TENM2: variants seen among roughly 807,000 people sequenced by gnomAD.
The protein encoded by TENM2 is teneurin-2.
TENM2 carries 52 observed loss-of-function variants against 245.2 expected under a neutral mutation model. That is an observed-to-expected ratio of 0.21 (90% CI 0.17 to 0.27). The LOEUF (loss-of-function observed/expected upper bound fraction) is 0.27. TENM2 is among the 10% of genes least tolerant of loss of function. The probability of loss-of-function intolerance (pLI) is 1.00; values close to 1 mark genes in which losing one functional copy is unlikely to be tolerated. For missense variants in TENM2, 3,046 were observed against 3,666.8 expected, an observed-to-expected ratio of 0.83 and a Z score of 4.37; for synonymous variants, 1,363 against 1,438.9, an observed-to-expected ratio of 0.95 and a Z score of 1.19.
chr5:167,339,197 T>A (rs866526027), intron 1 of TENM2, among the ~76,000 whole-genome samples: 1 of 152,182 alleles, frequency 6.6e-6, no homozygotes, highest in Non-Finnish European at 1.5e-5. Context: ...TGAGACTCAA[T>A]GCATCTTAGA....
chr5:168,226,537 C>T lies in TENM2; in HGVS notation c.5284+274C>T, dbSNP rs76230532. On this transcript the variant is annotated intron_variant, in intron 24 of 28. Transcript: ENST00000518659. Reference sequence around the variant, plus strand: ...TTATCTGAAAATGTCCATTTCCACCCGCCCCCCACATACTCTCTCCCTACC... The same window carrying T: ...TTATCTGAAAATGTCCATTTCCACCTGCCCCCCACATACTCTCTCCCTACC... Among the ~76,000 whole-genome samples, 718 of 152,238 alleles carry T rather than the reference C, an allele frequency of 4.7e-3. 4 individuals are homozygous for T. Among genetic ancestry groups the T allele is most frequent in the African/African-American group, 0.016 (685 of 41,540 alleles).
chr5:167,080,270 G>T, the TENM2 span, among the ~76,000 whole-genome samples: 1 of 152,146 alleles, frequency 6.6e-6, no homozygotes, highest in Non-Finnish European at 1.5e-5. Flanking sequence ...AATTATCAGA[G>T]ATTTTTTTTC....
chr5:168,126,963 ACAGG>A lies in TENM2; in HGVS notation c.2422_2422+3del. Reference sequence around the variant, plus strand: ...TGGTAGGCAAACGGCAGGCACCGAAACAGGCACATATTGCTTTATTTTCATAAAT... The same window carrying A: ...TGGTAGGCAAACGGCAGGCACCGAAACACATATTGCTTTATTTTCATAAAT... On this transcript the variant is annotated splice_donor_variant and coding_sequence_variant, in exon 12 of 29. Coordinates refer to ENST00000518659, the Ensembl canonical transcript of TENM2. LOFTEE classifies it high-confidence loss of function. The A allele has an allele frequency of 6.2e-7, 1 of 1,601,470 alleles. No homozygotes were observed. Among genetic ancestry groups the A allele is most frequent in the Non-Finnish European group, 8.5e-7 (1 of 1,174,144 alleles).
intron 12 of TENM2, among the ~76,000 whole-genome samples, chr5:168,131,051 G>C (rs17631810): frequency 2.0e-5 from 3 of 152,154 alleles, no homozygotes; most frequent in African/African-American, 7.2e-5. Context: ...AGATGTTAGC[G>C]TGTGTTAATG....
the TENM2 span, among the ~76,000 whole-genome samples, chr5:167,073,195 T>C: frequency 6.6e-6 from 1 of 152,216 alleles, no homozygotes; most frequent in Admixed American, 6.5e-5. Flanking sequence ...TGGGTTTGCT[T>C]TATATGCTCA....
At chr5:167,489,411 T>C (rs1465735305) in intron 2 of TENM2, among the ~76,000 whole-genome samples, 1 of 152,068 alleles carries the variant, frequency 6.6e-6, no homozygotes, top group Non-Finnish European at 1.5e-5. Context: ...TCTTTCTGGA[T>C]TACTCACTCC....
At chr5:167,355,188 G>A (rs1759230068) in intron 1 of TENM2, among the ~76,000 whole-genome samples, 2 of 152,300 alleles carry the variant, frequency 1.3e-5, no homozygotes, top group South Asian at 4.1e-4. Flanking sequence ...TCTGAAACAC[G>A]TACAGTGGTG....
chr5:168,089,806 A>G (rs1256027034), intron 7 of TENM2, among the ~76,000 whole-genome samples: 1 of 152,224 alleles, frequency 6.6e-6, no homozygotes, highest in Non-Finnish European at 1.5e-5. Flanking sequence ...ATAAAATGAT[A>G]ATAACGATCA....
intron 2 of TENM2, among the ~76,000 whole-genome samples, chr5:167,637,948 C>G (rs1475376985): frequency 2.0e-5 from 3 of 150,980 alleles, no homozygotes; most frequent in Non-Finnish European, 4.4e-5. Flanking sequence ...CCTGCATTTT[C>G]AGCACATGTA....
At chr5:167,417,593 G>T (rs1763236033) in intron 2 of TENM2, among the ~76,000 whole-genome samples, 1 of 152,026 alleles carries the variant, frequency 6.6e-6, no homozygotes, top group Non-Finnish European at 1.5e-5. Context: ...TTTGTGCCAG[G>T]TACTGTGCTA....
chr5:167,305,085 T>C (rs1053711503), intron 1 of TENM2, among the ~76,000 whole-genome samples: 2 of 152,088 alleles, frequency 1.3e-5, no homozygotes, highest in African/African-American at 2.4e-5. Flanking sequence ...CTTTTCCTCC[T>C]CTCCAAAAGG....
chr5:168,134,504 A>G (rs961707605), intron 12 of TENM2, among the ~76,000 whole-genome samples: 26 of 152,008 alleles, frequency 1.7e-4, no homozygotes, highest in African/African-American at 6.3e-4. Context: ...TGGACAACAT[A>G]GTGAAACCCC....
intron 1 of TENM2, among the ~76,000 whole-genome samples, chr5:167,316,728 C>T (rs1226714249): frequency 6.6e-6 from 1 of 152,110 alleles, no homozygotes; most frequent in Non-Finnish European, 1.5e-5. Flanking sequence ...CAGATAATGT[C>T]GACCAATATT....
chr5:167,548,263 C>A (rs112964125), intron 2 of TENM2, among the ~76,000 whole-genome samples: 1 of 152,222 alleles, frequency 6.6e-6, no homozygotes, highest in Admixed American at 6.5e-5. Context: ...TGTTGACAGA[C>A]TTTTTTCTTA....
chr5:168,136,393 C>G (rs1158344605), intron 12 of TENM2, among the ~76,000 whole-genome samples: 1 of 152,146 alleles, frequency 6.6e-6, no homozygotes, highest in Non-Finnish European at 1.5e-5. Context: ...CAAGCTTAGT[C>G]CCTTCATTGA....
chr5:167,734,212 G>T (rs1356534270), intron 2 of TENM2, among the ~76,000 whole-genome samples: 2 of 151,988 alleles, frequency 1.3e-5, no homozygotes, highest in African/African-American at 2.4e-5. Context: ...TGGCCCTTTG[G>T]GGTTCTGATC....
At chr5:167,503,766 T>C (rs564754942) in intron 2 of TENM2, among the ~76,000 whole-genome samples, 1 of 152,122 alleles carries the variant, frequency 6.6e-6, no homozygotes, top group African/African-American at 2.4e-5. Flanking sequence ...CAGTGGCCCA[T>C]GCCTGTAGTC....
rs868047734 is a variant in TENM2 at position 168,203,683 on chromosome 5, T to C, written c.3431-6T>C. 3.8e-6 allele frequency: 6 copies of C among 1,596,932 alleles called. 1 individual carries two copies. The South Asian group carries it at 5.6e-5, about 15-fold the overall frequency. On this transcript the variant is annotated splice_region_variant and splice_polypyrimidine_tract_variant and intron_variant, in intron 17 of 28. Transcript: ENST00000518659. ...CTCACTCTGCCCCACCCCTTTTATCTTTCAGTGTCTGTCGGGTTTGAATAT... is the reference window on the plus strand; with the variant it reads ...CTCACTCTGCCCCACCCCTTTTATCCTTCAGTGTCTGTCGGGTTTGAATAT...
the TENM2 span, among the ~76,000 whole-genome samples, chr5:167,220,170 GCA>G: frequency 6.6e-6 from 1 of 152,184 alleles, no homozygotes; most frequent in Non-Finnish European, 1.5e-5. Flanking sequence ...AGTCAGTGCT[GCA>G]AAAGAGGCCT....
Sources: gnomAD v4.1 joint callset for allele counts (sites outside exome capture counted in the v4.1 genomes callset) on GRCh38, gnomAD v4.1.1 for gene constraint, MANE v1.5 for transcripts, NCBI Gene and HGNC (gene_info 2026-07-23, HGNC 2026-07-21) for gene names.